The following ABCA13 variants were observed in gnomAD, a reference collection of about 807,000 sequenced individuals.
The protein encoded by ABCA13 is ATP binding cassette subfamily A member 13, also known as ATP-binding cassette sub-family A member 13.
ABCA13 carries 476 observed loss-of-function variants against 478.7 expected under a neutral mutation model. The observed-to-expected ratio is 0.99, with a 90% CI of 0.92 to 1.07. The LOEUF (loss-of-function observed/expected upper bound fraction) is 1.07, where lower values mean the gene tolerates loss of function less well. Among genes scored for constraint, ABCA13 ranks in the 50% least tolerant of loss-of-function variants. ABCA13 has a pLI of 0.00. For synonymous variants in ABCA13, 2,252 were observed against 2,158.9 expected (o/e 1.04, Z -1.20); for missense variants, 6,060 against 5,910.6 (o/e 1.03, Z -0.83).
chr7:48,205,288 C>G lies in ABCA13; in HGVS notation c.287+6928C>G, dbSNP rs188737196. On this transcript the variant is annotated intron_variant, in intron 3 of 61. Transcript: ENST00000435803. ...TCTGGAATTCATCTGGGTTTTACGT[C>G]TATGTATGGTGAAGGTAATGATTTA... Among the ~76,000 whole-genome samples the G allele has an allele frequency of 4.6e-5, 7 of 152,094 alleles. No individual in the cohort carries two copies. The East Asian group carries it at 1.3e-3, about 29-fold the overall frequency.
chr7:48,286,137 A>G (rs1797701299), intron 19 of ABCA13, among the ~76,000 whole-genome samples: 2 of 152,216 alleles, frequency 1.3e-5, no homozygotes, highest in Middle Eastern at 3.2e-3. Context: ...CCTCATTATC[A>G]GAGTGGCACA....
chr7:48,208,757 G>A (rs2128937404), intron 3 of ABCA13, among the ~76,000 whole-genome samples: 2 of 152,182 alleles, frequency 1.3e-5, no homozygotes, highest in African/African-American at 4.8e-5. Context: ...TGCAAACAAG[G>A]ATAATTTGAC....
At chr7:48,182,089 C>T (rs1795774074) in intron 1 of ABCA13, among the ~76,000 whole-genome samples, 1 of 152,068 alleles carries the variant, frequency 6.6e-6, no homozygotes. Flanking sequence ...CCATAGAGTA[C>T]CTGCACTCAG....
chr7:48,561,616 T>C (rs1407391515), intron 55 of ABCA13, among the ~76,000 whole-genome samples: 1 of 152,206 alleles, frequency 6.6e-6, no homozygotes, highest in African/African-American at 2.4e-5. Context: ...TTTGAATTTC[T>C]TATATATTTT....
chr7:48,213,509 TG>T (rs1785992514), intron 3 of ABCA13, among the ~76,000 whole-genome samples: 1 of 152,204 alleles, frequency 6.6e-6, no homozygotes, highest in Non-Finnish European at 1.5e-5. Flanking sequence ...GATCTTGTTT[TG>T]TTGCCGATGA....
chr7:48,285,126 G>A (rs972513471), intron 19 of ABCA13, among the ~76,000 whole-genome samples: 2 of 152,126 alleles, frequency 1.3e-5, no homozygotes, highest in South Asian at 4.1e-4. Context: ...TTCCCTAATT[G>A]ACGAATTGAG....
intron 26 of ABCA13, among the ~76,000 whole-genome samples, chr7:48,314,921 G>T (rs1007042957): frequency 2.0e-5 from 3 of 152,180 alleles, no homozygotes; most frequent in Admixed American, 2.0e-4. Flanking sequence ...AGGTACAAAT[G>T]AATATGTCAT....
intron 44 of ABCA13, among the ~76,000 whole-genome samples, chr7:48,467,654 A>G (rs938640293): frequency 4.6e-5 from 7 of 152,218 alleles, no homozygotes; most frequent in African/African-American, 1.4e-4. Flanking sequence ...TGCTGTAGGA[A>G]CCAAAATTAA....
chr7:48,536,083 C>T (rs1274747938), intron 55 of ABCA13, among the ~76,000 whole-genome samples: 3 of 152,196 alleles, frequency 2.0e-5, no homozygotes, highest in Non-Finnish European at 2.9e-5. Flanking sequence ...CAAAAGTTCA[C>T]GATATGAGTC....
In ABCA13 at chr7:48,322,782, C is replaced by T. The variant is rs144100799; in HGVS notation, c.9999+5486C>T. Among the ~76,000 whole-genome samples, 55 of 152,280 alleles carry T rather than the reference C, an allele frequency of 3.6e-4. 1 individual carries two copies. In the South Asian group the frequency reaches 0.011, roughly 30 times the overall value. On this transcript the variant is annotated intron_variant, in intron 27 of 61. Coordinates refer to ENST00000435803, the MANE Select transcript of ABCA13 (RefSeq NM_152701.5). ...GCTTTTTTTCGGTCGACAGCTCTCA[C>T]ATTTGTCTGGATCAGTACACAGAAC...
intron 27 of ABCA13, among the ~76,000 whole-genome samples, chr7:48,327,068 T>A (rs1804443805): frequency 6.6e-6 from 1 of 152,222 alleles, no homozygotes; most frequent in African/African-American, 2.4e-5. Context: ...GAGCACTTAC[T>A]TCTGTAAGGT....
In ABCA13 at chr7:48,237,926, G is replaced by A. The variant is rs866585495; in HGVS notation, c.898-1315G>A. On this transcript the variant is annotated intron_variant, in intron 8 of 61. Coordinates refer to ENST00000435803, the MANE Select transcript of ABCA13 (RefSeq NM_152701.5). ...TCTATCTAACATGATACATGGTATT[G>A]TTGATTATTTTTAATTAAGGGAAAA... 3.3e-5 allele frequency among the ~76,000 whole-genome samples: 5 copies of A among 152,140 alleles called. No homozygotes were observed. In the South Asian group the frequency reaches 1.0e-3, roughly 32 times the overall value.
intron 11 of ABCA13, 95 bp from the exon 12 acceptor site, chr7:48,245,417 A>G: frequency 3.2e-6 from 3 of 942,218 alleles, no homozygotes; most frequent in South Asian, 2.1e-5. Context: ...TAAAAAATCC[A>G]TGTTTTCAGG....
At chr7:48,288,171 T>C in intron 20 of ABCA13, 93 bp downstream of exon 20, 1 of 1,125,274 alleles carries the variant, frequency 8.9e-7, no homozygotes, top group Non-Finnish European at 1.3e-6. Flanking sequence ...GCTTCGTTCT[T>C]ATAACTACAG....
At chr7:48,434,815 A>G (rs1594762) in intron 42 of ABCA13, among the ~76,000 whole-genome samples, 45,158 of 151,722 alleles carry the variant, frequency 0.3, 6,806 homozygotes, top group East Asian at 0.38. Flanking sequence ...AATTGACCAT[A>G]TATGTGAACA....
chr7:48,569,729 C>T (rs1473657424), intron 55 of ABCA13, among the ~76,000 whole-genome samples: 2 of 152,010 alleles, frequency 1.3e-5, no homozygotes, highest in Non-Finnish European at 2.9e-5. Context: ...TTCATCATAT[C>T]GGGCAGGCTG....
intron 38 of ABCA13, among the ~76,000 whole-genome samples, chr7:48,395,018 G>A (rs1166226270): frequency 6.6e-6 from 1 of 152,196 alleles, no homozygotes. Context: ...GGGGTTGACT[G>A]CAGTGGGTGG....
chr7:48,403,334 T>C (rs1817853883), intron 38 of ABCA13, among the ~76,000 whole-genome samples: 1 of 152,194 alleles, frequency 6.6e-6, no homozygotes. Context: ...CATTCCACCA[T>C]ACTCCATACC....
chr7:48,633,904 G>T (rs1220960263), intron 59 of ABCA13, among the ~76,000 whole-genome samples: 2 of 135,516 alleles, frequency 1.5e-5, no homozygotes, highest in African/African-American at 5.5e-5. Context: ...TCATAGATAG[G>T]TAGATAGATA....
Sources: allele counts gnomAD v4.1 joint callset (sites outside exome capture counted in the v4.1 genomes callset), GRCh38; gene constraint gnomAD v4.1.1; transcripts MANE v1.5; gene names NCBI Gene and HGNC (gene_info 2026-07-23, HGNC 2026-07-21).